SIAE: variants seen among roughly 807,000 people sequenced by gnomAD.
The protein encoded by SIAE is sialate O-acetylesterase.
In SIAE, 39 loss-of-function variants were observed where a neutral mutation model predicts 52.6. The observed-to-expected ratio is 0.74, with a 90% CI of 0.57 to 0.97. The LOEUF is 0.97. Among genes scored for constraint, SIAE ranks in the 50% least tolerant of loss-of-function variants. The pLI is 0.00. For synonymous variants in SIAE, 233 were observed against 241.4 expected (o/e 0.97, Z 0.32); for missense variants, 592 against 662.1 (o/e 0.89, Z 1.16).
At chr11:124,640,110 C>G (rs1942821190) in intron 7 of SIAE, among the ~76,000 whole-genome samples, 1 of 152,198 alleles carries the variant, frequency 6.6e-6, no homozygotes, top group South Asian at 2.1e-4. Context: ...GGGTCTGTTT[C>G]TCTTCCCTTT....
At position 124,636,768 on chromosome 11, in the gene SIAE, C is replaced by A. The variant is rs1033241934; in HGVS notation, c.*183G>T. The A allele has an allele frequency of 3.1e-5, 25 of 813,180 alleles. No homozygotes were observed. In the South Asian group the frequency reaches 3.9e-4, roughly 13 times the overall value. 50.4% of individuals were successfully genotyped at this position (813,180 alleles called of 1,614,324 possible). A position where few individuals can be genotyped will look rare whatever the true frequency, so the allele number is the denominator to read the frequency against. On this transcript the variant is annotated 3_prime_UTR_variant, in exon 10 of 10. Transcript: ENST00000263593. ...GACCAACTAGGGAACAAAAAGCAAG[C>A]ATTTCAAGTTACCTATAAGCCTGGG...
chr11:124,667,146 T>C (rs1001661063), intron 2 of SIAE, among the ~76,000 whole-genome samples: 1 of 152,254 alleles, frequency 6.6e-6, no homozygotes, highest in Non-Finnish European at 1.5e-5. Flanking sequence ...TTCTTATTTT[T>C]AAACCACAGC....
intron 1 of SIAE, among the ~76,000 whole-genome samples, chr11:124,671,084 A>G (rs1467610716): frequency 6.6e-6 from 1 of 152,174 alleles, no homozygotes; most frequent in Non-Finnish European, 1.5e-5. Flanking sequence ...GGCTAGGGGA[A>G]ATACCTTCCC....
chr11:124,636,964 T>C lies in SIAE; in HGVS notation c.1559A>G (p.Asn520Ser), dbSNP rs1942754080. ...ATACTGAAACAGTCATTTAGCAACATTGCTCTGATGTCCAGGACCCTGGTC... is the reference window on the plus strand; with the variant it reads ...ATACTGAAACAGTCATTTAGCAACACTGCTCTGATGTCCAGGACCCTGGTC... Reference protein sequence around the residue: ...ITDQGPGHQSNVAK With the variant: ...ITDQGPGHQSSVAK Residue 520 changes from asparagine (N) to serine (S), a missense_variant, in exon 10 of 10, where the codon AAT (asparagine) becomes AGT (serine). Physicochemically the swap from Asn to Ser is conservative, Grantham distance 46. Coordinates refer to ENST00000263593, the MANE Select transcript of SIAE (RefSeq NM_170601.5). The C allele has an allele frequency of 6.2e-7, 1 of 1,614,168 alleles. No homozygotes were observed.
Position 124,636,782 on chromosome 11 carries a change from T to C in SIAE, c.*169A>G. On this transcript the variant is annotated 3_prime_UTR_variant, in exon 10 of 10. Transcript: ENST00000263593. ...CAAAAAGCAAGCATTTCAAGTTACC[T>C]ATAAGCCTGGGCTCATCAGAATATA... 2 of 940,868 alleles carry C rather than the reference T, an allele frequency of 2.1e-6. No individual in the cohort carries two copies. The highest frequency in any genetic ancestry group is 3.3e-6 in the Non-Finnish European group (2 of 613,264). 58.3% of individuals were successfully genotyped at this position (940,868 alleles called of 1,614,324 possible).
At position 124,636,482 on chromosome 11, in the gene SIAE, C is replaced by T. The variant is rs976838301; in HGVS notation, c.*469G>A. The T allele has an allele frequency of 4.3e-5, 8 of 185,002 alleles. No individual in the cohort carries two copies. Among genetic ancestry groups the T allele is most frequent in the Admixed American group, 3.2e-4 (6 of 18,682 alleles). 11.5% of individuals were successfully genotyped at this position (185,002 alleles called of 1,614,324 possible). The stretch of plus-strand genomic sequence containing the variant: ...ACGTCTACGGCCATATCACCCTGAA[C>T]GCGCCTGATCTCATCTGATCTCGGA... On this transcript the variant is annotated 3_prime_UTR_variant, in exon 10 of 10. Coordinates refer to ENST00000263593, the MANE Select transcript of SIAE (RefSeq NM_170601.5).
chr11:124,636,840 A>G lies in SIAE; in HGVS notation c.*111T>C, dbSNP rs1565406100. 2.7e-6 allele frequency: 4 copies of G among 1,474,886 alleles called. No individual in the cohort carries two copies. Among genetic ancestry groups the G allele is most frequent in the South Asian group, 2.3e-5 (2 of 87,274 alleles). The allele number at this position is 1,474,886 out of a possible 1,614,324, so 91.4% of individuals were successfully genotyped here. ...CCATGTGCTAGCTGAAAGCCATTCA[A>G]TGAGGCTTTCTATTAATTTCCTTTA... On this transcript the variant is annotated 3_prime_UTR_variant, in exon 10 of 10. Coordinates refer to ENST00000263593, the MANE Select transcript of SIAE (RefSeq NM_170601.5).
intron 2 of SIAE, among the ~76,000 whole-genome samples, chr11:124,665,757 T>C (rs1943263866): frequency 6.6e-6 from 1 of 151,238 alleles, no homozygotes; most frequent in East Asian, 1.9e-4. Flanking sequence ...AGGCAAAGGT[T>C]GCAGTGAACC....
intron 7 of SIAE, among the ~76,000 whole-genome samples, chr11:124,646,216 C>T (rs1942931652): frequency 6.6e-6 from 1 of 152,190 alleles, no homozygotes; most frequent in African/African-American, 2.4e-5. Flanking sequence ...CAGAATCTTT[C>T]TGACTAGTTA....
At position 124,669,382 on chromosome 11, in the gene SIAE, C is replaced by CA; in HGVS notation, c.206dup (p.Met69IlefsTer12). On this transcript the variant is annotated frameshift_variant, in exon 2 of 10. Transcript: ENST00000263593. LOFTEE classifies it high-confidence loss of function. ...TACCTTTCACACTGGTCACTTTCTT[C>CA]ATGATGGTTTCCTGACCTTGGCGCA... 6.2e-7 allele frequency: 1 copy of CA among 1,614,178 alleles called. No homozygotes were observed. Among genetic ancestry groups the CA allele is most frequent in the Non-Finnish European group, 8.5e-7 (1 of 1,180,036 alleles).
At position 124,635,475 on chromosome 11, in the gene SIAE, A is replaced by G. The variant is rs1942709026; in HGVS notation, c.*1476T>C. On this transcript the variant is annotated 3_prime_UTR_variant, in exon 10 of 10. Coordinates refer to ENST00000263593, the MANE Select transcript of SIAE (RefSeq NM_170601.5). ...AGAACTAAAGCAAAAACCATCATTC[A>G]CCCTACAGAGTATTATAAATTTCAT... 6.6e-6 allele frequency: 1 copy of G among 152,178 alleles called. No homozygotes were observed. Among genetic ancestry groups the G allele is most frequent in the African/African-American group, 2.4e-5 (1 of 41,426 alleles). 9.4% of individuals were successfully genotyped at this position (152,178 alleles called of 1,614,324 possible). A position where few individuals can be genotyped will look rare whatever the true frequency, so the allele number is the denominator to read the frequency against.
chr11:124,675,459 T>C (rs199610309), upstream of SIAE: 1 of 1,592,736 alleles, frequency 6.3e-7, no homozygotes, highest in African/African-American at 1.4e-5. Context: ...AATAAGAAAC[T>C]AAGCATTTGT....
Position 124,648,124 on chromosome 11 carries a change from C to A in SIAE, c.774G>T (p.Trp258Cys). The change falls in exon 6 of 10, where the codon TGG (tryptophan) becomes TGT (cysteine). Residue 258 changes from tryptophan to cysteine, a missense_variant. Physicochemically the swap from Trp to Cys is radical, Grantham distance 215 (BLOSUM62 -2). Transcript: ENST00000263593. ...TGCACAGTGGATGGATCATGGCATT[C>A]CAGAGAACAGAGTGCTTACTGGGAC... ...VTGPSKHSVL[W>C]NAMIHPLCNM... 1.9e-6 allele frequency: 3 copies of A among 1,614,074 alleles called. No homozygotes were observed. The highest frequency in any genetic ancestry group is 2.5e-6 in the Non-Finnish European group (3 of 1,179,992).
At chr11:124,648,587 T>A (rs1428924092) in intron 5 of SIAE, among the ~76,000 whole-genome samples, 1 of 152,216 alleles carries the variant, frequency 6.6e-6, no homozygotes, top group East Asian at 1.9e-4. Flanking sequence ...TCATCTTCCT[T>A]ATAGCTAAGT....
In SIAE at chr11:124,637,072, G is replaced by C; in HGVS notation, c.1451C>G (p.Thr484Arg). The C allele has an allele frequency of 6.2e-7, 1 of 1,614,170 alleles. No homozygotes were observed. ...TVVALRYAWTTWPCEYKQCPL... is the reference protein window; with the variant it reads ...TVVALRYAWTRWPCEYKQCPL... ...ACACTGCTTATATTCACAAGGCCAC[G>C]TGGTCCAAGCATAGCGGAGAGCAAC... The change falls in exon 10 of 10, where the codon ACG becomes AGG. Residue 484 changes from threonine (T) to arginine (R), a missense_variant. Thr to Arg is a moderately conservative substitution (Grantham distance 71, BLOSUM62 -1). Coordinates refer to ENST00000263593, the MANE Select transcript of SIAE (RefSeq NM_170601.5).
chr11:124,637,249 T>C, intron 9 of SIAE, 47 bp from the exon 10 acceptor site: 1 of 1,612,934 alleles, frequency 6.2e-7, no homozygotes, highest in Admixed American at 1.7e-5. Flanking sequence ...AGAAGGGTCT[T>C]CCAAGAAACT....
At chr11:124,640,185 T>C (rs1391002728) in intron 7 of SIAE, among the ~76,000 whole-genome samples, 4 of 152,192 alleles carry the variant, frequency 2.6e-5, no homozygotes, top group African/African-American at 7.2e-5. Flanking sequence ...TCCTGAGTCT[T>C]GGCCTTATGA....
rs1462298005 is a variant in SIAE, at chr11:124,645,548, A to G, written c.966+1817T>C. Among the ~76,000 whole-genome samples the G allele has an allele frequency of 1.3e-5, 2 of 152,004 alleles. No individual in the cohort carries two copies. The highest frequency in any genetic ancestry group is 4.8e-5 in the African/African-American group (2 of 41,384). ...ACTCCCGACCTCAGGTGATCCGCCC[A>G]CCTCGGCCTCCCAGAGTGCTGGGAT... On this transcript the variant is annotated intron_variant, in intron 7 of 9. Coordinates refer to ENST00000263593, the MANE Select transcript of SIAE (RefSeq NM_170601.5). The surrounding 1 kb of genome is among the most constrained non-coding windows in gnomAD (Gnocchi z 4.7).
At chr11:124,669,563 G>A (rs1171687723) in intron 1 of SIAE, 42 bp from the exon 2 acceptor site, 3 of 1,569,712 alleles carry the variant, frequency 1.9e-6, no homozygotes, top group South Asian at 2.2e-5. Flanking sequence ...TCATCGGAGA[G>A]ATATAGCACC....
Sources: allele counts gnomAD v4.1 joint callset (sites outside exome capture counted in the v4.1 genomes callset), GRCh38; gene constraint gnomAD v4.1.1; non-coding constraint Gnocchi (gnomAD v3.1); transcripts MANE v1.5; gene names NCBI Gene and HGNC (gene_info 2026-07-23, HGNC 2026-07-21).